Variants in MYO3A observed in about 807,000 individuals in gnomAD.
MYO3A encodes myosin IIIA, also known as myosin-IIIa.
A neutral mutation model predicts 192.7 loss-of-function variants in MYO3A; 180 were observed. That is an observed-to-expected ratio of 0.93 (90% CI 0.83 to 1.06). The LOEUF is 1.06. Among genes scored for constraint, MYO3A ranks in the 50% least tolerant of loss-of-function variants. The pLI is 0.00. For synonymous variants in MYO3A, 628 were observed against 645.3 expected, an observed-to-expected ratio of 0.97 and a Z score of 0.41; for missense variants, 1,896 against 1,905.0, an observed-to-expected ratio of 1.00 and a Z score of 0.09.
At position 26,062,991 on chromosome 10, in the gene MYO3A, T is replaced by A. The variant is rs146708446; in HGVS notation, c.954-3984T>A. 3.9e-5 allele frequency among the ~76,000 whole-genome samples: 6 copies of A among 152,300 alleles called. No homozygotes were observed. In the East Asian group the frequency reaches 1.2e-3, roughly 29 times the overall value. On this transcript the variant is annotated intron_variant, in intron 10 of 34. Coordinates refer to ENST00000642920, the MANE Select transcript of MYO3A (RefSeq NM_017433.5). ...ATTGAAGAAGAGGGAAAATAGATAT[T>A]GGAAGCTTGAAAGGTAGACATTTTT...
chr10:26,021,748 C>T, intron 8 of MYO3A, 100 bp downstream of exon 8: 1 of 1,500,356 alleles, frequency 6.7e-7, no homozygotes, highest in Non-Finnish European at 9.3e-7. Flanking sequence ...CAGATATATT[C>T]CAACAAGTTG....
intron 34 of MYO3A, among the ~76,000 whole-genome samples, chr10:26,203,721 G>A (rs1467274204): frequency 6.6e-6 from 1 of 152,142 alleles, no homozygotes; most frequent in Admixed American, 6.5e-5. Context: ...CATGACATAT[G>A]AAAAATGGGA....
intron 4 of MYO3A, among the ~76,000 whole-genome samples, chr10:25,982,605 A>T (rs1839401995): frequency 6.6e-6 from 1 of 152,202 alleles, no homozygotes; most frequent in South Asian, 2.1e-4. Context: ...CTGAAGATGG[A>T]TCACATTACA....
chr10:26,079,039 G>T (rs184061513), intron 14 of MYO3A, among the ~76,000 whole-genome samples: 2 of 152,106 alleles, frequency 1.3e-5, no homozygotes, highest in African/African-American at 2.4e-5. Flanking sequence ...TTGTTCCAAG[G>T]TATAGTTTAA....
At chr10:26,081,140 C>CCCCCCA in intron 14 of MYO3A, among the ~76,000 whole-genome samples, 1 of 101,894 alleles carries the variant, frequency 9.8e-6, no homozygotes, top group South Asian at 3.4e-4. Context: ...CCTTCCCCCC[C>CCCCCCA]CCCCCGCCCC....
intron 19 of MYO3A, among the ~76,000 whole-genome samples, chr10:26,125,853 A>T (rs1447447034): frequency 1.3e-5 from 2 of 152,178 alleles, no homozygotes; most frequent in Non-Finnish European, 2.9e-5. Context: ...ACACAATAGA[A>T]AGTGAATTCT....
intron 10 of MYO3A, among the ~76,000 whole-genome samples, chr10:26,050,065 G>A (rs892277751): frequency 5.3e-5 from 8 of 151,938 alleles, no homozygotes; most frequent in African/African-American, 1.9e-4. Flanking sequence ...TAAAAGAAAT[G>A]TCTTTTTAGT....
At chr10:25,979,813 T>G (rs1424696776) in intron 4 of MYO3A, among the ~76,000 whole-genome samples, 1 of 152,186 alleles carries the variant, frequency 6.6e-6, no homozygotes, top group Non-Finnish European at 1.5e-5. Context: ...TGCACTGTTG[T>G]ATGTTTAGCA....
At chr10:26,107,620 A>G (rs904640993) in intron 17 of MYO3A, among the ~76,000 whole-genome samples, 1 of 150,852 alleles carries the variant, frequency 6.6e-6, no homozygotes, top group Non-Finnish European at 1.5e-5. Flanking sequence ...CTTTCAGGTT[A>G]TTTGTATTTT....
chr10:26,197,798 T>C (rs1180647019), intron 32 of MYO3A, among the ~76,000 whole-genome samples: 1 of 152,232 alleles, frequency 6.6e-6, no homozygotes, highest in African/African-American at 2.4e-5. Flanking sequence ...ACTCCTGACC[T>C]CAGGTGATCT....
chr10:26,058,124 C>T (rs1834227110), intron 10 of MYO3A, among the ~76,000 whole-genome samples: 1 of 152,218 alleles, frequency 6.6e-6, no homozygotes, highest in Admixed American at 6.5e-5. Context: ...TAAAAACGCT[C>T]TGTTCTCTGC....
chr10:26,021,184 T>C (rs1271703479), intron 7 of MYO3A, among the ~76,000 whole-genome samples: 1 of 152,194 alleles, frequency 6.6e-6, no homozygotes, highest in Non-Finnish European at 1.5e-5. Context: ...GCCCAATCTT[T>C]AGCTGTGCAT....
At chr10:25,980,905 G>A (rs1839292628) in intron 4 of MYO3A, among the ~76,000 whole-genome samples, 1 of 152,072 alleles carries the variant, frequency 6.6e-6, no homozygotes, top group African/African-American at 2.4e-5. Flanking sequence ...TACATTTTAT[G>A]GATTTTGACA....
At chr10:26,209,341 G>A (rs1443623669) in intron 34 of MYO3A, among the ~76,000 whole-genome samples, 4 of 152,178 alleles carry the variant, frequency 2.6e-5, no homozygotes, top group Admixed American at 6.5e-5. Flanking sequence ...CTGGCAATTA[G>A]TGAACATGAT....
chr10:25,976,063 G>C (rs1476804377), intron 4 of MYO3A, among the ~76,000 whole-genome samples: 1 of 152,162 alleles, frequency 6.6e-6, no homozygotes, highest in Non-Finnish European at 1.5e-5. Flanking sequence ...TTAGACATTT[G>C]CTAAAATGGC....
intron 3 of MYO3A, among the ~76,000 whole-genome samples, chr10:25,952,875 G>A (rs965973422): frequency 7.2e-6 from 1 of 139,736 alleles, no homozygotes; most frequent in African/African-American, 2.7e-5. Flanking sequence ...GGCCCCATTT[G>A]CTTTTTTTTT....
At chr10:26,046,235 G>T (rs1343657347) in intron 10 of MYO3A, among the ~76,000 whole-genome samples, 4 of 152,170 alleles carry the variant, frequency 2.6e-5, no homozygotes, top group Admixed American at 2.6e-4. Flanking sequence ...CCGTCAACCT[G>T]TGTAATCTGA....
chr10:26,003,603 A>G (rs1231325132), intron 6 of MYO3A, among the ~76,000 whole-genome samples: 1 of 152,228 alleles, frequency 6.6e-6, no homozygotes, highest in Non-Finnish European at 1.5e-5. Context: ...CATTACTGGT[A>G]TATGATCAGT....
At chr10:26,074,683 C>T (rs1465247274) in intron 14 of MYO3A, among the ~76,000 whole-genome samples, 3 of 149,666 alleles carry the variant, frequency 2.0e-5, no homozygotes, top group South Asian at 4.2e-4. Context: ...TTTCCTAATC[C>T]ACAGGCTGCC....
Sources: gnomAD v4.1 joint callset for allele counts (sites outside exome capture counted in the v4.1 genomes callset) on GRCh38, gnomAD v4.1.1 for gene constraint, MANE v1.5 for transcripts, NCBI Gene and HGNC (gene_info 2026-07-23, HGNC 2026-07-21) for gene names.